Variants in RASGRF1 observed in about 807,000 individuals in gnomAD.
RASGRF1 encodes the protein ras-specific guanine nucleotide-releasing factor 1.
Under a neutral mutation model 138.7 loss-of-function variants are expected in RASGRF1, and 40 were observed. That is an observed-to-expected ratio of 0.29 (90% CI 0.22 to 0.38). The LOEUF is 0.38. RASGRF1 is among the 10% of genes least tolerant of loss of function. The pLI, the probability that RASGRF1 is intolerant of heterozygous loss-of-function variation, is 1.00. For synonymous variants in RASGRF1, 614 were observed against 663.2 expected (o/e 0.93, Z 1.14); for missense variants, 1,108 against 1,650.4 (o/e 0.67, Z 5.69).
chr15:79,064,338 C>A, intron 2 of RASGRF1, 82 bp downstream of exon 2: 1 of 1,346,344 alleles, frequency 7.4e-7, no homozygotes. Context: ...TGGGGCTTGG[C>A]TTTGTTCAAA....
chr15:79,002,508 G>C (rs781519137), intron 15 of RASGRF1, among the ~76,000 whole-genome samples: 7 of 152,020 alleles, frequency 4.6e-5, no homozygotes, highest in Non-Finnish European at 8.8e-5. Context: ...ATGTCCACAG[G>C]CACATGCACA....
At chr15:79,014,787 C>G (rs983784867) in intron 13 of RASGRF1, among the ~76,000 whole-genome samples, 2 of 151,942 alleles carry the variant, frequency 1.3e-5, no homozygotes, top group Admixed American at 1.3e-4. Context: ...CATGGTGGCA[C>G]ACGCCTGTAG....
At chr15:79,015,243 G>C in intron 13 of RASGRF1, 84 bp downstream of exon 13, 1 of 1,348,064 alleles carries the variant, frequency 7.4e-7, no homozygotes, top group Non-Finnish European at 1.1e-6. Context: ...CCAGTAGCTG[G>C]CTCATCCCAG....
chr15:79,044,583 G>A (rs188117260), intron 5 of RASGRF1, among the ~76,000 whole-genome samples: 2 of 152,184 alleles, frequency 1.3e-5, no homozygotes, highest in South Asian at 4.2e-4. Context: ...CCTAATCATT[G>A]CTGGGGCCCA....
At position 78,973,893 on chromosome 15, in the gene RASGRF1, T is replaced by TGCTCCCTGAGACCTCTCCTGTCTCC. The variant is rs1398075520; in HGVS notation, c.3495-498_3495-474dup. ...TCACCCTATCTGACACCCTTGTCTCTGCTCCCTGAGACCTCTCCTGTCTCC... is the reference window on the plus strand; with the variant it reads ...TCACCCTATCTGACACCCTTGTCTCTGCTCCCTGAGACCTCTCCTGTCTCCGCTCCCTGAGACCTCTCCTGTCTCC... On this transcript the variant is annotated intron_variant, in intron 24 of 26. Coordinates refer to ENST00000558480, the MANE Select transcript of RASGRF1 (RefSeq NM_001145648.3). This position sits in a 1 kb window ranked among gnomAD's most constrained non-coding sequence, Gnocchi z 4.9. 2.0e-5 allele frequency among the ~76,000 whole-genome samples: 3 copies of TGCTCCCTGAGACCTCTCCTGTCTCC among 152,194 alleles called. No homozygotes were observed. The highest frequency in any genetic ancestry group is 7.2e-5 in the African/African-American group (3 of 41,444).
chr15:79,077,006 G>A lies in RASGRF1; in HGVS notation c.277-12480C>T, dbSNP rs558954264. Among the ~76,000 whole-genome samples, 21 of 152,326 alleles carry A rather than the reference G, an allele frequency of 1.4e-4. No individual in the cohort carries two copies. In the South Asian group the frequency reaches 4.1e-3, roughly 30 times the overall value. On this transcript the variant is annotated intron_variant, in intron 1 of 26. Transcript: ENST00000558480. The stretch of plus-strand genomic sequence containing the variant: ...ATATACCCCTCAGGCATGGGCAATG[G>A]AGCTGGCTGGAAGGGGTTGGGGGGA...
chr15:79,006,895 C>T lies in RASGRF1; in HGVS notation c.1827-461G>A, dbSNP rs916304928. 6.6e-6 allele frequency among the ~76,000 whole-genome samples: 1 copy of T among 152,084 alleles called. No homozygotes were observed. The highest frequency in any genetic ancestry group is 2.4e-5 in the African/African-American group (1 of 41,396). On this transcript the variant is annotated intron_variant, in intron 13 of 26. Transcript: ENST00000558480. This position sits in a 1 kb window ranked among gnomAD's most constrained non-coding sequence, Gnocchi z 4.0. Reference sequence around the variant, plus strand: ...GGTGTGGTGGCCCATACCTGTAATACCAGTTACTAGGGAGGCTGAGGCACA... The same window carrying T: ...GGTGTGGTGGCCCATACCTGTAATATCAGTTACTAGGGAGGCTGAGGCACA...
In RASGRF1 at chr15:79,006,442, G is replaced by C; in HGVS notation, c.1827-8C>G. The C allele has an allele frequency of 1.2e-6, 2 of 1,607,868 alleles. No homozygotes were observed. The highest frequency in any genetic ancestry group is 1.3e-5 in the African/African-American group (1 of 74,990). ...TATAAGGAGGCGTCGGACCTGAGAG[G>C]GGAGGAAGGATGCAGAGGTGATGTG... On this transcript the variant is annotated splice_region_variant and splice_polypyrimidine_tract_variant and intron_variant, in intron 13 of 26. Coordinates refer to ENST00000558480, the MANE Select transcript of RASGRF1 (RefSeq NM_001145648.3). The surrounding 1 kb of genome is among the most constrained non-coding windows in gnomAD (Gnocchi z 4.0).
chr15:78,989,388 GC>G (rs752578786), intron 22 of RASGRF1, among the ~76,000 whole-genome samples: 8 of 152,152 alleles, frequency 5.3e-5, no homozygotes, highest in Non-Finnish European at 1.0e-4. Flanking sequence ...TGGATATTGG[GC>G]CATCCTGATC....
intron 1 of RASGRF1, among the ~76,000 whole-genome samples, chr15:79,078,147 G>GTGTC (rs2057863740): frequency 6.7e-6 from 1 of 149,860 alleles, no homozygotes; most frequent in Non-Finnish European, 1.5e-5. Context: ...GTGTGTGTGT[G>GTGTC]TGTGTGCATG....
At chr15:78,965,153 G>A (rs969539205) in intron 26 of RASGRF1, among the ~76,000 whole-genome samples, 2 of 152,020 alleles carry the variant, frequency 1.3e-5, no homozygotes, top group Non-Finnish European at 2.9e-5. Flanking sequence ...TTACTACAAC[G>A]GCCAACACTG....
rs1341930792 is a variant in RASGRF1 at position 79,050,557 on chromosome 15, A to G, written c.532-969T>C. ...TTAGAATCAGAGGCCTATTTCAATC[A>G]TAACCTGGAAACTGCTGGCCTAGAA... On this transcript the variant is annotated intron_variant, in intron 3 of 26. Transcript: ENST00000558480. The surrounding 1 kb of genome is among the most constrained non-coding windows in gnomAD (Gnocchi z 4.1). Among the ~76,000 whole-genome samples, 2 of 152,240 alleles carry G rather than the reference A, an allele frequency of 1.3e-5. No individual in the cohort carries two copies. The highest frequency in any genetic ancestry group is 2.9e-5 in the Non-Finnish European group (2 of 68,036).
chr15:79,010,293 C>T (rs894036006), intron 13 of RASGRF1, among the ~76,000 whole-genome samples: 1 of 152,218 alleles, frequency 6.6e-6, no homozygotes, highest in African/African-American at 2.4e-5. Flanking sequence ...CTGCCTCAGC[C>T]TCCCAAAGTG....
At chr15:78,979,066 G>A in intron 24 of RASGRF1, 1 of 1,290,846 alleles carries the variant, frequency 7.7e-7, no homozygotes. Context: ...GGTGGATGGA[G>A]TGGTGCCCCG....
At chr15:79,047,496 A>G (rs1487506038) in intron 4 of RASGRF1, among the ~76,000 whole-genome samples, 2 of 152,204 alleles carry the variant, frequency 1.3e-5, no homozygotes, top group African/African-American at 4.8e-5. Context: ...GAGAGCCCAG[A>G]AGTTTAAATT....
intron 22 of RASGRF1, among the ~76,000 whole-genome samples, chr15:78,988,108 G>A (rs1595874051): frequency 6.6e-6 from 1 of 152,238 alleles, no homozygotes; most frequent in East Asian, 1.9e-4. Context: ...TACAAGGGCA[G>A]CTTCTGAAGT....
intron 5 of RASGRF1, among the ~76,000 whole-genome samples, chr15:79,044,645 T>A (rs769491082): frequency 6.6e-5 from 10 of 152,202 alleles, no homozygotes; most frequent in Non-Finnish European, 1.2e-4. Context: ...CAGATTTAGG[T>A]AAATCTTTCC....
intron 19 of RASGRF1, 181 bp downstream of exon 19, chr15:78,997,913 TAG>T (rs2056430251): frequency 5.1e-6 from 3 of 593,192 alleles, no homozygotes; most frequent in Non-Finnish European, 9.0e-6. Context: ...GAAGGACAAA[TAG>T]ACTACCCAGC....
intron 23 of RASGRF1, among the ~76,000 whole-genome samples, chr15:78,984,223 C>T (rs2056099507): frequency 6.6e-6 from 1 of 152,168 alleles, no homozygotes; most frequent in Non-Finnish European, 1.5e-5. Flanking sequence ...ACACTGCTGC[C>T]AAGGGATTGT....
Sources: gnomAD v4.1 joint callset for allele counts (sites outside exome capture counted in the v4.1 genomes callset) on GRCh38, gnomAD v4.1.1 for gene constraint, Gnocchi (gnomAD v3.1) non-coding constraint, MANE v1.5 for transcripts, NCBI Gene and HGNC (gene_info 2026-07-23, HGNC 2026-07-21) for gene names.